The following GSG1 variants were observed in gnomAD, a reference collection of about 807,000 sequenced individuals.
GSG1 encodes germ cell associated 1, also known as germ cell-specific gene 1 protein.
GSG1 carries 28 observed loss-of-function variants against 30.8 expected under a neutral mutation model. That is an observed-to-expected ratio of 0.91 (90% CI 0.67 to 1.25). The LOEUF (loss-of-function observed/expected upper bound fraction) is 1.25, where lower values mean the gene tolerates loss of function less well. Among genes scored for constraint, GSG1 ranks in the 50% most tolerant of loss-of-function variants. The pLI, the probability that GSG1 is intolerant of heterozygous loss-of-function variation, is 0.00. For synonymous variants in GSG1, 162 were observed against 178.0 expected (o/e 0.91, Z 0.71); for missense variants, 435 against 444.7 (o/e 0.98, Z 0.20).
Position 13,085,066 on chromosome 12 carries a change from G to C in GSG1, c.924C>G (p.Thr308=), listed in dbSNP as rs754331794. The change falls in exon 7 of 7, where the codon ACC becomes ACG. Residue 308 remains threonine, a synonymous_variant. Coordinates refer to ENST00000651961, the MANE Select transcript of GSG1 (RefSeq NM_001080555.4). ...FPRRLSSAAP[T]VGPLTSYHQY... ...GGTGGTAGCTGGTCAAAGGACCCAC[G>C]GTGGGGGCTGCACTTGACAGCCGCC... 6.2e-7 allele frequency: 1 copy of C among 1,608,316 alleles called. No individual in the cohort carries two copies. Among genetic ancestry groups the C allele is most frequent in the Admixed American group, 1.7e-5 (1 of 58,952 alleles).
intron 1 of GSG1, among the ~76,000 whole-genome samples, chr12:13,094,518 G>A (rs899448171): frequency 1.3e-5 from 2 of 152,176 alleles, no homozygotes; most frequent in Admixed American, 6.5e-5. Context: ...CACTGAAGTC[G>A]CGTGTTGCCC....
chr12:13,101,441 C>T lies in GSG1; in HGVS notation c.48+2024G>A, dbSNP rs559446481. On this transcript the variant is annotated intron_variant, in intron 1 of 6. Coordinates refer to ENST00000651961, the MANE Select transcript of GSG1 (RefSeq NM_001080555.4). This position sits in a 1 kb window ranked among gnomAD's most constrained non-coding sequence, Gnocchi z 5.8. The stretch of plus-strand genomic sequence containing the variant: ...GCGGGGGTACCCGGGCTGTTTCTTC[C>T]TCTGGGTCTTCCTCCGTCGGTTGAG... Among the ~76,000 whole-genome samples the T allele has an allele frequency of 6.6e-6, 1 of 152,354 alleles. No individual in the cohort carries two copies. Among genetic ancestry groups the T allele is most frequent in the African/African-American group, 2.4e-5 (1 of 41,590 alleles).
rs373360047 is a variant in GSG1, at chr12:13,085,088, C to A, written c.902G>T (p.Arg301Leu). The change falls in exon 7 of 7, where the codon CGG (arginine) becomes CTG (leucine). Residue 301 changes from arginine (R) to leucine (L), a missense_variant. By Grantham distance (102) the Arg-to-Leu change is moderately radical (BLOSUM62 -2). Transcript: ENST00000651961. ...CACGGTGGGGGCTGCACTTGACAGC[C>A]GCCGAGGGAAACACTGATGGTGATG... is the stretch of plus-strand genomic sequence containing the variant. ...LPHHHQCFPRRLSSAAPTVGP... is the reference protein window; with the variant it reads ...LPHHHQCFPRLLSSAAPTVGP... The A allele has an allele frequency of 6.2e-7, 1 of 1,613,276 alleles. No homozygotes were observed.
At position 13,090,450 on chromosome 12, in the gene GSG1, G is replaced by A. The variant is rs148269918; in HGVS notation, c.364+53C>T. 12 of 1,523,908 alleles carry A rather than the reference G, an allele frequency of 7.9e-6. 1 individual carries two copies. The East Asian group carries it at 2.7e-4, about 34-fold the overall frequency. The allele number at this position is 1,523,908 out of a possible 1,614,324, so 94.4% of individuals were successfully genotyped here. On this transcript the variant is annotated intron_variant, in intron 2 of 6. Transcript: ENST00000651961. ...CTACCTGATTTCCATGCCTGCATTA[G>A]ATCCCTTGCCCGCCCTGACCCCGTT... is the stretch of plus-strand genomic sequence containing the variant.
chr12:13,095,871 G>T, intron 1 of GSG1: 1 of 1,217,342 alleles, frequency 8.2e-7, no homozygotes, highest in Non-Finnish European at 1.1e-6. Flanking sequence ...ATGGGGATCT[G>T]GGATTAAGCA....
At position 13,089,331 on chromosome 12, in the gene GSG1, C is replaced by T. The variant is rs188527485; in HGVS notation, c.365-55G>A. On this transcript the variant is annotated intron_variant, in intron 2 of 6. Coordinates refer to ENST00000651961, the MANE Select transcript of GSG1 (RefSeq NM_001080555.4). ...AAATACACACATTTTTTTAATTCCT[C>T]TTCCATCTCGCTTTTAGCTGAAATA... The T allele has an allele frequency of 1.4e-5, 21 of 1,549,138 alleles. No homozygotes were observed. In the African/African-American group the frequency reaches 2.9e-4, roughly 21 times the overall value.
intron 1 of GSG1, 135 bp from the exon 2 acceptor site, chr12:13,090,953 G>C: frequency 6.9e-6 from 5 of 725,294 alleles, no homozygotes; most frequent in South Asian, 5.7e-5. Context: ...GGCACAACCC[G>C]CCTCTGACAT....
chr12:13,090,725 T>C lies in GSG1; in HGVS notation c.142A>G (p.Ser48Gly), dbSNP rs1013938411. The change falls in exon 2 of 7, where the codon AGC (serine) becomes GGC (glycine). Residue 48 changes from serine to glycine, a missense_variant. Ser to Gly is a moderately conservative substitution (Grantham distance 56, BLOSUM62 0). Transcript: ENST00000651961. ...TGTGTGCCCACAAACCAGTAGTTGC[T>C]GAGCAGGGATGTTGTGGAGAAGCTG... ...SLSFSTTSLL[S>G]NYWFVGTQKV... 4 of 1,614,102 alleles carry C rather than the reference T, an allele frequency of 2.5e-6. No homozygotes were observed. In the African/African-American group the frequency reaches 4.0e-5, roughly 16 times the overall value.
chr12:13,099,495 T>G lies in GSG1; in HGVS notation c.48+3970A>C, dbSNP rs562040775. ...CCAACAGTGGGGACTAACCCATATT[T>G]GCTGAGGTCCTCAGTCACTGTTTCC... On this transcript the variant is annotated intron_variant, in intron 1 of 6. Coordinates refer to ENST00000651961, the MANE Select transcript of GSG1 (RefSeq NM_001080555.4). 6.6e-5 allele frequency among the ~76,000 whole-genome samples: 10 copies of G among 152,358 alleles called. No individual in the cohort carries two copies. In the East Asian group the frequency reaches 1.4e-3, roughly 21 times the overall value.
intron 3 of GSG1, 23 bp downstream of exon 3, chr12:13,089,185 A>G: frequency 6.4e-7 from 1 of 1,551,290 alleles, no homozygotes; most frequent in Non-Finnish European, 8.7e-7. Context: ...AGAAGAGTTA[A>G]TGATCTTAGT....
Position 13,103,595 on chromosome 12 carries a change from G to A in GSG1, c.-83C>T, listed in dbSNP as rs1051490464. 45 of 1,468,806 alleles carry A rather than the reference G, an allele frequency of 3.1e-5. No homozygotes were observed. In the East Asian group the frequency reaches 4.1e-4, roughly 13 times the overall value. The allele number at this position is 1,468,806 out of a possible 1,614,324, so 91.0% of individuals were successfully genotyped here. Reference sequence around the variant, plus strand: ...CAGTTGGGTAGAATGAGTGTTTAGCGTGAGGATGAATCAGGTCCCCTCTTG... The same window carrying A: ...CAGTTGGGTAGAATGAGTGTTTAGCATGAGGATGAATCAGGTCCCCTCTTG... On this transcript the variant is annotated 5_prime_UTR_variant, in exon 1 of 7. In the 5' UTR this introduces an upstream ATG that the reference lacks. Transcript: ENST00000651961.
At chr12:13,087,886 C>CT in intron 5 of GSG1, 21 bp downstream of exon 5, 1 of 1,611,310 alleles carries the variant, frequency 6.2e-7, no homozygotes, top group Admixed American at 1.7e-5. Flanking sequence ...ACCACCCTCT[C>CT]TCACTCCAGG....
chr12:13,095,906 G>T, intron 1 of GSG1: 1 of 815,272 alleles, frequency 1.2e-6, no homozygotes, highest in Non-Finnish European at 1.8e-6. Context: ...CCTGCAATTT[G>T]CAGAGGAAAT....
Position 13,090,739 on chromosome 12 carries a change from G to A in GSG1, c.128C>T (p.Thr43Ile). The A allele has an allele frequency of 1.2e-6, 2 of 1,614,254 alleles. No homozygotes were observed. Among genetic ancestry groups the A allele is most frequent in the African/African-American group, 1.3e-5 (1 of 75,066 alleles). Residue 43 changes from threonine to isoleucine, a missense_variant, in exon 2 of 7, where the codon ACA becomes ATA. Thr to Ile is a moderately conservative substitution (Grantham distance 89, BLOSUM62 -1). Coordinates refer to ENST00000651961, the MANE Select transcript of GSG1 (RefSeq NM_001080555.4). ...CCAGTAGTTGCTGAGCAGGGATGTT[G>A]TGGAGAAGCTGAGTGATAGCATGCT... ...ILSMLSLSFS[T>I]TSLLSNYWFV...
intron 1 of GSG1, among the ~76,000 whole-genome samples, chr12:13,097,346 G>A (rs910398629): frequency 6.6e-6 from 1 of 151,796 alleles, no homozygotes; most frequent in Non-Finnish European, 1.5e-5. Context: ...CATGATCCTT[G>A]TCACACTATA....
At chr12:13,088,659 TG>T in intron 4 of GSG1, 1 of 1,300,404 alleles carries the variant, frequency 7.7e-7, no homozygotes, top group Non-Finnish European at 1.1e-6. Flanking sequence ...AAGAGAAAAG[TG>T]GGAGATCACA....
At chr12:13,089,305 TA>T in intron 2 of GSG1, 29 bp from the exon 3 acceptor site, 2 of 1,550,510 alleles carry the variant, frequency 1.3e-6, no homozygotes, top group Non-Finnish European at 1.7e-6. Flanking sequence ...AATATAAATG[TA>T]AATACACACA....
chr12:13,100,367 C>T (rs180684635), intron 1 of GSG1, among the ~76,000 whole-genome samples: 108 of 152,308 alleles, frequency 7.1e-4, no homozygotes, highest in Admixed American at 2.0e-3. Context: ...CAGATGCACC[C>T]AGAGTTTCAT....
At chr12:13,087,053 G>A (rs1865599564) in intron 6 of GSG1, 99 bp downstream of exon 6, 1 of 744,514 alleles carries the variant, frequency 1.3e-6, no homozygotes, top group South Asian at 1.6e-5. Context: ...GAGGGATGAA[G>A]AGAAGGCAGG....
Sources: allele counts gnomAD v4.1 joint callset (sites outside exome capture counted in the v4.1 genomes callset), GRCh38; gene constraint gnomAD v4.1.1; non-coding constraint Gnocchi (gnomAD v3.1); transcripts MANE v1.5; gene names NCBI Gene and HGNC (gene_info 2026-07-23, HGNC 2026-07-21).